Variants in MSRA observed in about 807,000 individuals in gnomAD.
The protein encoded by MSRA is methionine sulfoxide reductase A.
In MSRA, 54 loss-of-function variants were observed where a neutral mutation model predicts 31.3. That is an observed-to-expected ratio of 1.73 (90% CI 1.39 to 2.17). The LOEUF is 2.17. Among genes scored for constraint, MSRA ranks in the 30% most tolerant of loss-of-function variants. The probability of loss-of-function intolerance (pLI) is 0.00; values close to 1 mark genes in which losing one functional copy is unlikely to be tolerated. For synonymous variants in MSRA, 169 were observed against 116.5 expected (o/e 1.45, Z -2.90); for missense variants, 507 against 300.9 (o/e 1.69, Z -5.07).
chr8:10,338,211 A>G (rs1279860543), intron 5 of MSRA, among the ~76,000 whole-genome samples: 3 of 152,226 alleles, frequency 2.0e-5, no homozygotes, highest in Non-Finnish European at 4.4e-5. Context: ...GTGCTCAAGA[A>G]TCATTGTGTT....
intron 5 of MSRA, among the ~76,000 whole-genome samples, chr8:10,329,627 G>A (rs1585489386): frequency 6.6e-6 from 1 of 152,072 alleles, no homozygotes; most frequent in South Asian, 2.1e-4. Context: ...ATGACCACAG[G>A]CCCCATAATC....
At chr8:10,132,474 C>T (rs982024215) in intron 1 of MSRA, among the ~76,000 whole-genome samples, 3 of 152,144 alleles carry the variant, frequency 2.0e-5, no homozygotes, top group African/African-American at 7.2e-5. Context: ...TATTTCCTCA[C>T]AGTTCTAGAG....
chr8:10,284,391 A>T (rs1457551333), intron 3 of MSRA, among the ~76,000 whole-genome samples: 2 of 151,956 alleles, frequency 1.3e-5, no homozygotes, highest in African/African-American at 4.8e-5. Flanking sequence ...CTGGGGTTTC[A>T]CCATGTTAGC....
At chr8:10,139,436 C>T (rs555422191) in intron 1 of MSRA, among the ~76,000 whole-genome samples, 18 of 152,260 alleles carry the variant, frequency 1.2e-4, no homozygotes, top group Non-Finnish European at 1.8e-4. Context: ...GGATCTGTTG[C>T]GTAGTGGTGA....
chr8:10,362,205 C>G (rs1804889514), intron 5 of MSRA, among the ~76,000 whole-genome samples: 1 of 152,112 alleles, frequency 6.6e-6, no homozygotes, highest in South Asian at 2.1e-4. Context: ...TAATGTCATA[C>G]TTTATACAGC....
At chr8:10,279,390 G>T (rs114558527) in intron 3 of MSRA, among the ~76,000 whole-genome samples, 524 of 152,276 alleles carry the variant, frequency 3.4e-3, no homozygotes, top group African/African-American at 0.012. Flanking sequence ...CAATATCAAA[G>T]CTAATTCCCT....
intron 5 of MSRA, among the ~76,000 whole-genome samples, chr8:10,398,302 A>G (rs576408191): frequency 1.3e-5 from 2 of 152,320 alleles, no homozygotes; most frequent in East Asian, 3.9e-4. Context: ...TTCATAGTGA[A>G]AGGGCTGGAT....
At chr8:10,202,366 C>G (rs1336909896) in intron 1 of MSRA, among the ~76,000 whole-genome samples, 1 of 152,214 alleles carries the variant, frequency 6.6e-6, no homozygotes, top group African/African-American at 2.4e-5. Context: ...AAGTAGCTCT[C>G]AGATTTCCCC....
chr8:10,062,638 T>C lies in MSRA; in HGVS notation c.142+7980T>C, dbSNP rs147825116. On this transcript the variant is annotated intron_variant, in intron 1 of 5. Coordinates refer to ENST00000317173, the MANE Select transcript of MSRA (RefSeq NM_012331.5). Reference sequence around the variant, plus strand: ...TTATGGCACATAATCGGTAAGTCCATAACTGTTGGAGTAATGGGGACGAGC... The same window carrying C: ...TTATGGCACATAATCGGTAAGTCCACAACTGTTGGAGTAATGGGGACGAGC... Among the ~76,000 whole-genome samples the C allele has an allele frequency of 1.3e-4, 20 of 152,324 alleles. No individual in the cohort carries two copies. The East Asian group carries it at 3.9e-3, about 29-fold the overall frequency.
At chr8:10,094,440 T>A (rs575333870) in intron 1 of MSRA, among the ~76,000 whole-genome samples, 129 of 152,358 alleles carry the variant, frequency 8.5e-4, no homozygotes, top group African/African-American at 2.8e-3. Context: ...CTAATTACTA[T>A]GCAATTAGGA....
chr8:10,080,768 G>T (rs1265152484), intron 1 of MSRA, among the ~76,000 whole-genome samples: 1 of 151,634 alleles, frequency 6.6e-6, no homozygotes, highest in Non-Finnish European at 1.5e-5. Context: ...TGAGTTCCTG[G>T]GCTCAAGCGA....
intron 1 of MSRA, among the ~76,000 whole-genome samples, chr8:10,106,255 C>G (rs1799874010): frequency 1.3e-5 from 2 of 152,158 alleles, no homozygotes. Flanking sequence ...TCAGTCAATT[C>G]CAGTTGGCCT....
intron 5 of MSRA, among the ~76,000 whole-genome samples, chr8:10,389,774 T>TC (rs1476151429): frequency 8.2e-5 from 12 of 146,702 alleles, no homozygotes; most frequent in South Asian, 2.2e-4. Context: ...CTTTTTTTTT[T>TC]CCCCAGAAAC....
chr8:10,212,926 T>C (rs1414369335), intron 2 of MSRA, among the ~76,000 whole-genome samples: 28 of 152,196 alleles, frequency 1.8e-4, no homozygotes, highest in Admixed American at 1.8e-3. Context: ...ATAGTAGGTA[T>C]ATATATTTAT....
intron 5 of MSRA, among the ~76,000 whole-genome samples, chr8:10,416,764 T>A (rs1808486093): frequency 6.6e-6 from 1 of 152,110 alleles, no homozygotes; most frequent in African/African-American, 2.4e-5. Context: ...GGCCCAGACT[T>A]TGCATTTCTT....
chr8:10,401,713 T>G (rs1004961876), intron 5 of MSRA, among the ~76,000 whole-genome samples: 3 of 152,094 alleles, frequency 2.0e-5, no homozygotes, highest in Non-Finnish European at 2.9e-5. Context: ...AGATACGCAA[T>G]GGACTGCAGC....
rs1023790279 is a variant in MSRA at position 10,319,990 on chromosome 8, G to C, written c.543+1G>C. ...GAGCTCCAAAGAGAACTACCAAAAG[G>C]TAGGGATTGCTGGGCTCCTAGCCCC... On this transcript the variant is annotated splice_donor_variant, in intron 5 of 5. Transcript: ENST00000317173. LOFTEE classifies it high-confidence loss of function. 6.3e-7 allele frequency: 1 copy of C among 1,595,012 alleles called. No homozygotes were observed. The highest frequency in any genetic ancestry group is 1.3e-5 in the African/African-American group (1 of 74,418).
Position 10,294,126 on chromosome 8 carries a change from G to A in MSRA, c.332-7408G>A, listed in dbSNP as rs555859791. 1.1e-3 allele frequency among the ~76,000 whole-genome samples: 167 copies of A among 151,952 alleles called. No individual in the cohort carries two copies. The South Asian group carries it at 0.034, about 31-fold the overall frequency. On this transcript the variant is annotated intron_variant, in intron 3 of 5. Transcript: ENST00000317173. ...GGCTGAGGCAGAATTGCTTGAACCT[G>A]GGAGGTGGAGGTTCCAGTGAACCGA...
chr8:10,248,541 G>T (rs13254838), intron 3 of MSRA, among the ~76,000 whole-genome samples: 14 of 152,308 alleles, frequency 9.2e-5, no homozygotes, highest in Non-Finnish European at 1.5e-4. Flanking sequence ...CAGTGGGTCT[G>T]CACAGCCTCA....
Sources: allele counts gnomAD v4.1 joint callset (sites outside exome capture counted in the v4.1 genomes callset), GRCh38; gene constraint gnomAD v4.1.1; transcripts MANE v1.5; gene names NCBI Gene and HGNC (gene_info 2026-07-23, HGNC 2026-07-21).